Variants in HOMER2 observed in about 807,000 individuals in gnomAD.
The protein encoded by HOMER2 is homer protein homolog 2.
HOMER2 carries 27 observed loss-of-function variants against 47.0 expected under a neutral mutation model. The ratio of observed to expected loss-of-function variants is 0.57; its 90% CI spans 0.42 to 0.79. The LOEUF (loss-of-function observed/expected upper bound fraction) is 0.79, where lower values mean the gene tolerates loss of function less well. Ranked by LOEUF, HOMER2 falls within the 30% of genes least tolerant of loss-of-function variation. HOMER2 has a pLI of 0.00. For missense variants in HOMER2, 443 were observed against 435.0 expected (o/e 1.02, Z -0.16); for synonymous variants, 161 against 163.8 (o/e 0.98, Z 0.13).
rs1269756073 is a variant in HOMER2, at chr15:82,860,978, A to AGAGAGAGAGAGAGAGAGAGG, written c.388-1844_388-1843insCCTCTCTCTCTCTCTCTCTC. 2.1e-4 allele frequency among the ~76,000 whole-genome samples: 31 copies of AGAGAGAGAGAGAGAGAGAGG among 147,924 alleles called. 1 individual carries two copies. Among genetic ancestry groups the AGAGAGAGAGAGAGAGAGAGG allele is most frequent in the African/African-American group, 7.2e-4 (28 of 38,630 alleles). ...AGATGAGAGAGAGAGAGAGAGAGAG[A>AGAGAGAGAGAGAGAGAGAGG]GAGAAAGCGAAAGAGAAAGGAAAGA... On this transcript the variant is annotated intron_variant, in intron 4 of 8. Transcript: ENST00000450735.
intron 3 of HOMER2, among the ~76,000 whole-genome samples, chr15:82,874,737 G>C (rs1013098834): frequency 6.6e-6 from 1 of 152,212 alleles, no homozygotes; most frequent in Non-Finnish European, 1.5e-5. Context: ...CAAAAACAGA[G>C]TCACTGACGT....
chr15:82,914,400 G>T (rs1265238276), intron 1 of HOMER2, among the ~76,000 whole-genome samples: 2 of 147,160 alleles, frequency 1.4e-5, no homozygotes, highest in East Asian at 3.9e-4. Flanking sequence ...AAAAAAAAAG[G>T]AAGTCCACTA....
At chr15:82,980,429 T>C (rs1352241176) in intron 1 of HOMER2, among the ~76,000 whole-genome samples, 1 of 152,174 alleles carries the variant, frequency 6.6e-6, no homozygotes, top group Non-Finnish European at 1.5e-5. Flanking sequence ...TCTTTCCTAA[T>C]GAAACTCCAA....
intron 6 of HOMER2, chr15:82,852,827 T>C (rs1434801234): frequency 6.6e-6 from 1 of 152,664 alleles, no homozygotes; most frequent in East Asian, 1.9e-4. Context: ...GCCTGGCCTG[T>C]GGGCCTCTTC....
chr15:82,938,108 A>T (rs2054181072), intron 1 of HOMER2, among the ~76,000 whole-genome samples: 1 of 152,152 alleles, frequency 6.6e-6, no homozygotes, highest in South Asian at 2.1e-4. Context: ...ATGGTGGCTC[A>T]TGCCTGTAAT....
chr15:82,851,607 C>T (rs2051398447), intron 7 of HOMER2, among the ~76,000 whole-genome samples: 1 of 152,114 alleles, frequency 6.6e-6, no homozygotes, highest in Non-Finnish European at 1.5e-5. Flanking sequence ...GTGCAGGTGG[C>T]TGGCGCCGGG....
chr15:82,853,241 C>A (rs114573014), intron 6 of HOMER2, among the ~76,000 whole-genome samples: 1 of 152,178 alleles, frequency 6.6e-6, no homozygotes, highest in African/African-American at 2.4e-5. Context: ...GCGAGTTGTG[C>A]GTGATGCTCT....
At chr15:82,859,833 G>A (rs1181687468) in intron 4 of HOMER2, among the ~76,000 whole-genome samples, 1 of 151,752 alleles carries the variant, frequency 6.6e-6, no homozygotes, top group Non-Finnish European at 1.5e-5. Context: ...AGAAGAGAAT[G>A]GTGTATAAAT....
chr15:82,968,429 T>G (rs997024155), intron 1 of HOMER2, among the ~76,000 whole-genome samples: 1 of 152,232 alleles, frequency 6.6e-6, no homozygotes. Flanking sequence ...GATTTAAATT[T>G]TATTTATTTT....
At chr15:82,877,105 G>A (rs2052375517) in intron 2 of HOMER2, among the ~76,000 whole-genome samples, 1 of 152,162 alleles carries the variant, frequency 6.6e-6, no homozygotes, top group Non-Finnish European at 1.5e-5. Context: ...CTTACAACGA[G>A]CCTATGCATA....
At position 82,870,267 on chromosome 15, in the gene HOMER2, T is replaced by A. The variant is rs1478016022; in HGVS notation, c.294+5006A>T. ...GAGAATGAAAGCTAGTCTAAGCCAA[T>A]CATGGAAATCCGTTTCCCTGGTTTT... On this transcript the variant is annotated intron_variant, in intron 3 of 8. Coordinates refer to ENST00000450735, the MANE Select transcript of HOMER2 (RefSeq NM_004839.4). 2.6e-5 allele frequency among the ~76,000 whole-genome samples: 4 copies of A among 152,134 alleles called. No individual in the cohort carries two copies. In the South Asian group the frequency reaches 6.2e-4, roughly 24 times the overall value.
upstream of HOMER2, among the ~76,000 whole-genome samples, chr15:82,954,919 C>T (rs2054572648): frequency 6.6e-6 from 1 of 151,874 alleles, no homozygotes; most frequent in South Asian, 2.1e-4. Flanking sequence ...GCTGGGACTA[C>T]AGGCGCGCAC....
At chr15:82,909,375 C>T (rs901679056) in intron 1 of HOMER2, among the ~76,000 whole-genome samples, 1 of 152,126 alleles carries the variant, frequency 6.6e-6, no homozygotes, top group African/African-American at 2.4e-5. Flanking sequence ...TGTGTCTTTC[C>T]CCTGTTGGCT....
chr15:82,864,361 T>G, intron 3 of HOMER2, 102 bp from the exon 4 acceptor site: 1 of 696,848 alleles, frequency 1.4e-6, no homozygotes, highest in Non-Finnish European at 2.4e-6. Flanking sequence ...GGCCCATACA[T>G]TCTGTATAAA....
intron 1 of HOMER2, among the ~76,000 whole-genome samples, chr15:82,971,386 CGAGA>C (rs929820311): frequency 1.3e-5 from 2 of 150,696 alleles, no homozygotes; most frequent in Non-Finnish European, 3.0e-5. Context: ...AGAGAGATAG[CGAGA>C]GAGAGAGCAA....
At position 82,875,324 on chromosome 15, in the gene HOMER2, T is replaced by C. The variant is rs1429680372; in HGVS notation, c.243A>G (p.Arg81=). 6.2e-7 allele frequency: 1 copy of C among 1,613,886 alleles called. No individual in the cohort carries two copies. Among genetic ancestry groups the C allele is most frequent in the African/African-American group, 1.3e-5 (1 of 74,920 alleles). ...ACCCCAAACCAAACACTGTGTTGGC[T>C]CTGCTGTCGGCCCACTGCCCAAACT... ...SQKFGQWADS[R]ANTVFGLGFS... Residue 81 remains arginine (R), a synonymous_variant, in exon 3 of 9, where the codon AGA becomes AGG. Coordinates refer to ENST00000450735, the MANE Select transcript of HOMER2 (RefSeq NM_004839.4).
intron 2 of HOMER2, among the ~76,000 whole-genome samples, chr15:82,877,756 A>G (rs1196223544): frequency 6.6e-6 from 1 of 152,186 alleles, no homozygotes. Context: ...ACATTTTACC[A>G]AATGTTTTCC....
chr15:82,911,961 C>T (rs921430617), intron 1 of HOMER2, among the ~76,000 whole-genome samples: 8 of 152,092 alleles, frequency 5.3e-5, no homozygotes, highest in Non-Finnish European at 7.4e-5. Context: ...ACCCAGGAGG[C>T]GGAGGTTGCA....
downstream of HOMER2, chr15:82,847,076 G>A (rs2051261869): frequency 6.6e-6 from 1 of 152,234 alleles, no homozygotes; most frequent in South Asian, 2.1e-4. Flanking sequence ...TCCTGGCCCT[G>A]CAGCTTCCAG....
Sources: gnomAD v4.1 joint callset for allele counts (sites outside exome capture counted in the v4.1 genomes callset) on GRCh38, gnomAD v4.1.1 for gene constraint, MANE v1.5 for transcripts, NCBI Gene and HGNC (gene_info 2026-07-23, HGNC 2026-07-21) for gene names.